Variants in PXDNL observed in about 807,000 individuals in gnomAD.
The protein encoded by PXDNL is peroxidasin like.
In PXDNL, 145 loss-of-function variants were observed where a neutral mutation model predicts 150.8. The ratio of observed to expected loss-of-function variants is 0.96; its 90% confidence interval spans 0.84 to 1.10. The LOEUF is 1.10. PXDNL is among the 50% of genes least tolerant of loss of function. The probability of loss-of-function intolerance (pLI) is 0.00; values close to 1 mark genes in which losing one functional copy is unlikely to be tolerated. For synonymous variants in PXDNL, 757 were observed against 725.7 expected (o/e 1.04, Z -0.69); for missense variants, 2,087 against 1,873.9 (o/e 1.11, Z -2.10).
rs757840742 is a variant in PXDNL at position 51,339,702 on chromosome 8, C to T, written c.4068G>A (p.Leu1356=). The T allele has an allele frequency of 1.2e-6, 2 of 1,613,004 alleles. No individual in the cohort carries two copies. Among genetic ancestry groups the T allele is most frequent in the East Asian group, 4.5e-5 (2 of 44,826 alleles). Residue 1356 remains leucine, a synonymous_variant, in exon 21 of 23, where the codon CTG becomes CTA. Transcript: ENST00000356297. ...AATCTTGGGAGAACTTTGTTTTTGCCAGAACTGTCACATTTCTAGCATCTT... is the reference window on the plus strand; with the variant it reads ...AATCTTGGGAGAACTTTGTTTTTGCTAGAACTGTCACATTTCTAGCATCTT... ...VGEDARNVTV[L]AKTKFSQDFS... is the part of the protein sequence containing the mutation.
intron 8 of PXDNL, among the ~76,000 whole-genome samples, chr8:51,461,384 T>C (rs1210839303): frequency 6.6e-6 from 1 of 152,228 alleles, no homozygotes; most frequent in Non-Finnish European, 1.5e-5. Context: ...CTGAAACACC[T>C]GACAGCCCAG....
intron 3 of PXDNL, among the ~76,000 whole-genome samples, chr8:51,577,195 A>G (rs376099338): frequency 2.0e-5 from 3 of 151,994 alleles, no homozygotes; most frequent in South Asian, 2.1e-4. Flanking sequence ...TAGTAAGAAA[A>G]AAGGAAACAA....
rs376784692 is a variant in PXDNL at position 51,345,791 on chromosome 8, T to C, written c.4016+42A>G. Reference sequence around the variant, plus strand: ...ACAAATTGTAGGTTTGAAGCAAATCTATAGTAAGTTGCCTAAAGAAATGAG... The same window carrying C: ...ACAAATTGTAGGTTTGAAGCAAATCCATAGTAAGTTGCCTAAAGAAATGAG... On this transcript the variant is annotated intron_variant, in intron 20 of 22. Coordinates refer to ENST00000356297, the MANE Select transcript of PXDNL (RefSeq NM_144651.5). The C allele has an allele frequency of 1.1e-5, 14 of 1,243,406 alleles. 1 individual carries two copies. Among genetic ancestry groups the C allele is most frequent in the Non-Finnish European group, 1.6e-5 (14 of 853,104 alleles). The allele number at this position is 1,243,406 out of a possible 1,614,324, so 77.0% of individuals were successfully genotyped here.
At chr8:51,541,402 G>T (rs1183183068) in intron 4 of PXDNL, among the ~76,000 whole-genome samples, 9 of 152,148 alleles carry the variant, frequency 5.9e-5, no homozygotes, top group Non-Finnish European at 1.0e-4. Context: ...TTCCACTAAG[G>T]TGACACCTTT....
At chr8:51,569,681 AT>A (rs1812891718) in intron 3 of PXDNL, among the ~76,000 whole-genome samples, 1 of 151,866 alleles carries the variant, frequency 6.6e-6, no homozygotes, top group African/African-American at 2.4e-5. Context: ...TACTCATCAT[AT>A]TTTTTTCAAA....
At chr8:51,640,062 T>C (rs1814710803) in intron 2 of PXDNL, among the ~76,000 whole-genome samples, 1 of 152,134 alleles carries the variant, frequency 6.6e-6, no homozygotes, top group South Asian at 2.1e-4. Context: ...TGCAAATCAA[T>C]ACATGTAATC....
At chr8:51,808,466 T>C (rs1306034568) in intron 1 of PXDNL, among the ~76,000 whole-genome samples, 1 of 152,244 alleles carries the variant, frequency 6.6e-6, no homozygotes, top group Non-Finnish European at 1.5e-5. Flanking sequence ...TGACTTAATT[T>C]AATCTAAATA....
chr8:51,469,384 T>C (rs1428734085), intron 8 of PXDNL, among the ~76,000 whole-genome samples: 1 of 152,086 alleles, frequency 6.6e-6, no homozygotes, highest in Non-Finnish European at 1.5e-5. Context: ...TTCTGGATAA[T>C]TCTATCATTA....
chr8:51,779,108 G>A (rs553707944), intron 1 of PXDNL, among the ~76,000 whole-genome samples: 2 of 152,314 alleles, frequency 1.3e-5, no homozygotes, highest in Non-Finnish European at 2.9e-5. Context: ...CTAATGAAAA[G>A]GGGGTAGAGT....
intron 15 of PXDNL, 100 bp from the exon 16 acceptor site, chr8:51,411,507 G>A (rs578102343): frequency 5.0e-5 from 55 of 1,108,932 alleles, no homozygotes; most frequent in Non-Finnish European, 6.0e-5. Context: ...CCAAACATTC[G>A]AGAAGAATGA....
chr8:51,681,288 G>T (rs1206153844), intron 1 of PXDNL, among the ~76,000 whole-genome samples: 5 of 151,994 alleles, frequency 3.3e-5, no homozygotes, highest in Non-Finnish European at 7.4e-5. Context: ...CCCCATAAGA[G>T]AACTGCTCTT....
At chr8:51,549,095 T>G (rs1249143234) in intron 4 of PXDNL, among the ~76,000 whole-genome samples, 1 of 152,180 alleles carries the variant, frequency 6.6e-6, no homozygotes, top group Admixed American at 6.5e-5. Context: ...AGACATTATA[T>G]AATGCTAAAA....
intron 1 of PXDNL, among the ~76,000 whole-genome samples, chr8:51,670,826 T>C (rs1385484022): frequency 6.6e-6 from 1 of 152,234 alleles, no homozygotes; most frequent in African/African-American, 2.4e-5. Context: ...TATTTGGCTC[T>C]GTACTAAGTG....
At chr8:51,589,315 G>A (rs1025489064) in intron 3 of PXDNL, among the ~76,000 whole-genome samples, 13 of 152,254 alleles carry the variant, frequency 8.5e-5, no homozygotes, top group East Asian at 1.9e-4. Context: ...ACCAAACAAC[G>A]CAGAAGTAGC....
intron 1 of PXDNL, among the ~76,000 whole-genome samples, chr8:51,792,065 G>A (rs1326990633): frequency 6.6e-6 from 1 of 151,880 alleles, no homozygotes; most frequent in Non-Finnish European, 1.5e-5. Flanking sequence ...GAAAAAGTAG[G>A]TGGAAAACAT....
chr8:51,609,025 G>C lies in PXDNL; in HGVS notation c.237-16327C>G, dbSNP rs565742988. Among the ~76,000 whole-genome samples the C allele has an allele frequency of 2.0e-4, 30 of 152,156 alleles. No homozygotes were observed. In the South Asian group the frequency reaches 5.8e-3, roughly 29 times the overall value. On this transcript the variant is annotated intron_variant, in intron 2 of 22. Coordinates refer to ENST00000356297, the MANE Select transcript of PXDNL (RefSeq NM_144651.5). ...TATCAGGATTAAGTGGAAAATTCTA[G>C]AGATTTCACTGTTAGCAACTCCTTG...
intron 1 of PXDNL, among the ~76,000 whole-genome samples, chr8:51,656,488 T>C (rs1229070192): frequency 6.6e-6 from 1 of 152,084 alleles, no homozygotes; most frequent in African/African-American, 2.4e-5. Flanking sequence ...TAGACCCGAA[T>C]ACCCTGGAAA....
intron 9 of PXDNL, among the ~76,000 whole-genome samples, chr8:51,455,691 G>T (rs1215067183): frequency 2.6e-5 from 4 of 152,130 alleles, no homozygotes; most frequent in African/African-American, 9.7e-5. Flanking sequence ...CTGTGTGCAG[G>T]GTCAGACTTG....
intron 20 of PXDNL, among the ~76,000 whole-genome samples, chr8:51,345,053 C>T (rs997490882): frequency 6.6e-6 from 1 of 152,158 alleles, no homozygotes; most frequent in Non-Finnish European, 1.5e-5. Flanking sequence ...TTGAATTTGA[C>T]TAAATTATAC....
Sources: gnomAD v4.1 joint callset for allele counts (sites outside exome capture counted in the v4.1 genomes callset) on GRCh38, gnomAD v4.1.1 for gene constraint, MANE v1.5 for transcripts, NCBI Gene and HGNC (gene_info 2026-07-23, HGNC 2026-07-21) for gene names.